Variants in CSMD1 observed in about 807,000 individuals in gnomAD.
CSMD1 encodes the protein CUB and sushi domain-containing protein 1.
CSMD1 carries 213 observed loss-of-function variants against 417.5 expected under a neutral mutation model. That is an observed-to-expected ratio of 0.51 (90% CI 0.46 to 0.57). The LOEUF is 0.57. CSMD1 is among the 20% of genes least tolerant of loss of function. The pLI is 0.00. For missense variants in CSMD1, 6,923 were observed against 4,529.7 expected (o/e 1.53, Z -15.17); for synonymous variants, 2,862 against 1,736.8 (o/e 1.65, Z -16.11).
intron 3 of CSMD1, among the ~76,000 whole-genome samples, chr8:4,274,464 C>T (rs767855417): frequency 2.0e-5 from 3 of 152,100 alleles, no homozygotes; most frequent in East Asian, 1.9e-4. Context: ...TCAGCACAGT[C>T]GTAATGGCAT....
chr8:4,808,095 T>C (rs1168809306), intron 1 of CSMD1, among the ~76,000 whole-genome samples: 1 of 152,172 alleles, frequency 6.6e-6, no homozygotes, highest in Non-Finnish European at 1.5e-5. Flanking sequence ...TTAGCATGCT[T>C]ACTTGCAATT....
intron 40 of CSMD1, among the ~76,000 whole-genome samples, chr8:3,149,491 C>T (rs998090699): frequency 6.6e-6 from 1 of 152,012 alleles, no homozygotes; most frequent in Non-Finnish European, 1.5e-5. Flanking sequence ...TATTCATTTA[C>T]TTATTGAGAC....
At chr8:4,071,372 G>C (rs1445271969) in intron 3 of CSMD1, among the ~76,000 whole-genome samples, 3 of 150,468 alleles carry the variant, frequency 2.0e-5, no homozygotes, top group Non-Finnish European at 4.4e-5. Flanking sequence ...TTTTGTATCT[G>C]TTAAGCCTTT....
chr8:3,937,737 T>A (rs1167753024), intron 5 of CSMD1, among the ~76,000 whole-genome samples: 1 of 152,136 alleles, frequency 6.6e-6, no homozygotes, highest in Non-Finnish European at 1.5e-5. Flanking sequence ...GTACACCAGG[T>A]ACGATATTAC....
At chr8:4,008,830 T>A (rs1408421162) in intron 4 of CSMD1, among the ~76,000 whole-genome samples, 1 of 151,982 alleles carries the variant, frequency 6.6e-6, no homozygotes, top group Non-Finnish European at 1.5e-5. Flanking sequence ...CAGGATGGTC[T>A]CGATCTCCTG....
intron 2 of CSMD1, among the ~76,000 whole-genome samples, chr8:4,553,788 G>T (rs1173000981): frequency 6.6e-6 from 1 of 152,154 alleles, no homozygotes; most frequent in African/African-American, 2.4e-5. Context: ...TCCTATGTCT[G>T]CCATGAAAAG....
chr8:3,942,612 G>C (rs1344767736), intron 5 of CSMD1, among the ~76,000 whole-genome samples: 3 of 152,124 alleles, frequency 2.0e-5, no homozygotes, highest in Non-Finnish European at 2.9e-5. Flanking sequence ...GGCGACATTG[G>C]TCCGGCCATT....
chr8:4,494,445 G>T (rs1450389829), intron 2 of CSMD1, among the ~76,000 whole-genome samples: 1 of 152,002 alleles, frequency 6.6e-6, no homozygotes, highest in Admixed American at 6.6e-5. Context: ...CGCATATATT[G>T]CTTGAAAACA....
At chr8:4,292,956 C>T (rs1489778862) in intron 3 of CSMD1, among the ~76,000 whole-genome samples, 1 of 152,182 alleles carries the variant, frequency 6.6e-6, no homozygotes, top group Admixed American at 6.5e-5. Flanking sequence ...ACCCACAAAG[C>T]ACTCCAGAGG....
chr8:4,231,048 G>T (rs757488256), intron 3 of CSMD1, among the ~76,000 whole-genome samples: 2 of 152,126 alleles, frequency 1.3e-5, no homozygotes, highest in South Asian at 4.1e-4. Flanking sequence ...GCTACCGTGG[G>T]AAAATTGGGG....
At chr8:3,700,025 T>A (rs1176754782) in intron 7 of CSMD1, among the ~76,000 whole-genome samples, 1 of 152,186 alleles carries the variant, frequency 6.6e-6, no homozygotes, top group Non-Finnish European at 1.5e-5. Flanking sequence ...CTCTTATAAA[T>A]TCTTAGTAGA....
intron 2 of CSMD1, among the ~76,000 whole-genome samples, chr8:4,486,375 A>G (rs964140397): frequency 1.3e-5 from 2 of 150,492 alleles, no homozygotes; most frequent in African/African-American, 4.9e-5. Context: ...AAACATGTAT[A>G]TCTCCTTCTC....
Position 3,268,287 on chromosome 8 carries a change from C to CTTTTTTTTTTTTTTTTTTTTTTTTTT in CSMD1, c.4153+15856_4153+15857insAAAAAAAAAAAAAAAAAAAAAAAAAA, listed in dbSNP as rs1172040830. ...AGGGTGTGGTCAGATGGTTCATTTC[C>CTTTTTTTTTTTTTTTTTTTTTTTTTT]TATTTTTTTTTTTTTTTTTTTTTTT... On this transcript the variant is annotated intron_variant, in intron 26 of 69. Coordinates refer to ENST00000635120, the MANE Select transcript of CSMD1 (RefSeq NM_033225.6). Among the ~76,000 whole-genome samples the CTTTTTTTTTTTTTTTTTTTTTTTTTT allele has an allele frequency of 6.1e-5, 7 of 114,652 alleles. 3 individuals carry two copies. The highest frequency in any genetic ancestry group is 6.9e-5 in the African/African-American group (2 of 28,786). 75.2% of individuals were successfully genotyped at this position (114,652 alleles called of 152,430 possible).
chr8:4,868,358 C>A (rs1802539309), intron 1 of CSMD1, among the ~76,000 whole-genome samples: 1 of 151,932 alleles, frequency 6.6e-6, no homozygotes, highest in Admixed American at 6.6e-5. Context: ...TTCAGCCTCC[C>A]CAGTAAACTG....
At chr8:4,901,084 T>C (rs1258642856) in intron 1 of CSMD1, among the ~76,000 whole-genome samples, 1 of 152,232 alleles carries the variant, frequency 6.6e-6, no homozygotes, top group Non-Finnish European at 1.5e-5. Flanking sequence ...CAATTCAACT[T>C]ATTATTTTGG....
chr8:3,480,462 A>AT (rs760122346), intron 11 of CSMD1, among the ~76,000 whole-genome samples: 4 of 152,186 alleles, frequency 2.6e-5, no homozygotes, highest in African/African-American at 4.8e-5. Context: ...GAATCCAACT[A>AT]TTTTTTATCA....
chr8:4,209,710 T>A (rs1424392413), intron 3 of CSMD1, among the ~76,000 whole-genome samples: 1 of 152,182 alleles, frequency 6.6e-6, no homozygotes, highest in Non-Finnish European at 1.5e-5. Context: ...CAGCAACTTT[T>A]ATTGACTGAA....
intron 3 of CSMD1, among the ~76,000 whole-genome samples, chr8:4,346,941 G>C (rs1427418220): frequency 2.0e-5 from 3 of 152,164 alleles, no homozygotes; most frequent in East Asian, 1.9e-4. Context: ...TTGAAAGTGA[G>C]TTTAGTTAGG....
chr8:4,749,479 C>T (rs1320874420), intron 1 of CSMD1, among the ~76,000 whole-genome samples: 1 of 152,148 alleles, frequency 6.6e-6, no homozygotes, highest in Non-Finnish European at 1.5e-5. Flanking sequence ...GAAAGGAATT[C>T]CAAGAACCAT....
Sources: gnomAD v4.1 joint callset for allele counts (sites outside exome capture counted in the v4.1 genomes callset) on GRCh38, gnomAD v4.1.1 for gene constraint, MANE v1.5 for transcripts, NCBI Gene and HGNC (gene_info 2026-07-23, HGNC 2026-07-21) for gene names.